The following RBBP6 variants were observed in gnomAD, a reference collection of about 807,000 sequenced individuals.
The protein encoded by RBBP6 is E3 ubiquitin-protein ligase RBBP6.
Under a neutral mutation model 167.7 loss-of-function variants are expected in RBBP6, and 25 were observed. The ratio of observed to expected loss-of-function variants is 0.15; its 90% confidence interval spans 0.11 to 0.21. The LOEUF is 0.21. RBBP6 is among the 10% of genes least tolerant of loss of function. The pLI, the probability that RBBP6 is intolerant of heterozygous loss-of-function variation, is 1.00. For synonymous variants in RBBP6, 789 were observed against 735.8 expected, an observed-to-expected ratio of 1.07 and a Z score of -1.17; for missense variants, 1,868 against 2,134.2, an observed-to-expected ratio of 0.88 and a Z score of 2.46.
At chr16:24,551,119 A>G (rs1487449075) in intron 3 of RBBP6, among the ~76,000 whole-genome samples, 1 of 151,832 alleles carries the variant, frequency 6.6e-6, no homozygotes, top group Non-Finnish European at 1.5e-5. Context: ...TCTTCTTGCT[A>G]ACTAAATATC....
intron 4 of RBBP6, 114 bp downstream of exon 4, chr16:24,553,671 G>A (rs1055225982): frequency 3.0e-5 from 21 of 708,798 alleles, no homozygotes; most frequent in Non-Finnish European, 4.2e-5. Context: ...CAAAAGCATT[G>A]TACATATTAT....
intron 1 of RBBP6, among the ~76,000 whole-genome samples, chr16:24,542,229 C>T (rs889665772): frequency 1.3e-5 from 2 of 152,164 alleles, no homozygotes; most frequent in Non-Finnish European, 2.9e-5. Flanking sequence ...CATCCCTTAA[C>T]TACAACAGTC....
chr16:24,552,027 CA>C (rs2141461989), intron 3 of RBBP6, among the ~76,000 whole-genome samples: 1 of 151,622 alleles, frequency 6.6e-6, no homozygotes, highest in Admixed American at 6.6e-5. Flanking sequence ...AAAAGCTGGA[CA>C]AAAATGATAA....
intron 4 of RBBP6, 30 bp downstream of exon 4, chr16:24,553,587 T>G (rs887162132): frequency 2.7e-6 from 4 of 1,504,886 alleles, no homozygotes; most frequent in Non-Finnish European, 3.6e-6. Flanking sequence ...CTTGAAAATA[T>G]AAGTTTTTTT....
intron 3 of RBBP6, among the ~76,000 whole-genome samples, chr16:24,550,363 G>GT (rs1467504689): frequency 2.1e-4 from 25 of 121,418 alleles, no homozygotes; most frequent in East Asian, 7.0e-4. Flanking sequence ...GTTTTTTTTT[G>GT]TTTTTTTGTT....
At chr16:24,554,841 A>G (rs1898878007) in intron 4 of RBBP6, 1 of 151,836 alleles carries the variant, frequency 6.6e-6, no homozygotes, top group Non-Finnish European at 1.5e-5. Flanking sequence ...GTTGTTAAAC[A>G]TCTGTAATCC....
chr16:24,545,468 G>A (rs761016941), intron 1 of RBBP6, among the ~76,000 whole-genome samples: 5 of 152,090 alleles, frequency 3.3e-5, no homozygotes, highest in Non-Finnish European at 7.4e-5. Context: ...ATAAATCAGT[G>A]TATGGTCTAT....
chr16:24,553,446 G>A (rs1367948238), intron 3 of RBBP6, 67 bp from the exon 4 acceptor site: 2 of 1,356,942 alleles, frequency 1.5e-6, no homozygotes, highest in African/African-American at 1.4e-5. Flanking sequence ...GTCAATAGGG[G>A]CTAAATGATC....
At chr16:24,570,645 G>T in intron 17 of RBBP6, 146 bp downstream of exon 17, 2 of 873,642 alleles carry the variant, frequency 2.3e-6, no homozygotes, top group Non-Finnish European at 3.3e-6. Flanking sequence ...TGTCTTTGAA[G>T]AAGGGAATTG....
At chr16:24,556,212 A>G (rs1898909420) in intron 6 of RBBP6, 96 bp from the exon 7 acceptor site, 2 of 991,200 alleles carry the variant, frequency 2.0e-6, no homozygotes, top group African/African-American at 1.6e-5. Context: ...AAGCACTACA[A>G]GTAATATAGT....
chr16:24,571,871 A>G lies in RBBP6; in HGVS notation c.4805A>G (p.Gln1602Arg). The G allele has an allele frequency of 6.2e-7, 1 of 1,614,136 alleles. No individual in the cohort carries two copies. The change falls in exon 18 of 18, where the codon CAA (glutamine) becomes CGA (arginine). Residue 1602 changes from glutamine to arginine, a missense_variant. Gln to Arg is a conservative substitution (Grantham distance 43). This residue lies in a region of RBBP6 where 591 missense variants were observed against 540.5 expected (regional missense o/e 1.09). Transcript: ENST00000319715. ...CCAGAGACACAGGTTGAAAAAGAGC[A>G]AATTACTGGGCAAATTGACAAGAGT... ...NPPETQVEKE[Q>R]ITGQIDKSTV...
intron 5 of RBBP6, 27 bp downstream of exon 5, chr16:24,555,730 T>C (rs1567274170): frequency 3.1e-6 from 5 of 1,604,986 alleles, no homozygotes; most frequent in Non-Finnish European, 4.3e-6. Context: ...TTTATACTAA[T>C]AGGAACTTTT....
intron 5 of RBBP6, 30 bp from the exon 6 acceptor site, chr16:24,555,791 T>G (rs1898899113): frequency 1.3e-6 from 2 of 1,584,846 alleles, no homozygotes; most frequent in Non-Finnish European, 1.7e-6. Flanking sequence ...AAAGTCCTCG[T>G]ATACATGTAA....
Position 24,540,565 on chromosome 16 carries a change from A to G in RBBP6, c.-62A>G, listed in dbSNP as rs939550753. 6.1e-6 allele frequency: 9 copies of G among 1,482,350 alleles called. No homozygotes were observed. The highest frequency in any genetic ancestry group is 1.4e-5 in the African/African-American group (1 of 70,790). The allele number at this position is 1,482,350 out of a possible 1,614,324, so 91.8% of individuals were successfully genotyped here. ...TACATATTTTGCTCTTAAAGTTTAT[A>G]AATATACGTATATTGAGAGTGTCCA... On this transcript the variant is annotated 5_prime_UTR_variant, in exon 1 of 18. It adds an upstream start codon to the 5' untranslated region. Transcript: ENST00000319715.
intron 1 of RBBP6, among the ~76,000 whole-genome samples, chr16:24,542,178 A>G (rs1325093275): frequency 6.6e-6 from 1 of 152,230 alleles, no homozygotes; most frequent in Admixed American, 6.5e-5. Flanking sequence ...GGTGGTGGTC[A>G]TGAACAGTTG....
chr16:24,572,117 A>G lies in RBBP6; in HGVS notation c.5051A>G (p.Gln1684Arg). ...AGCCTGGACACAGCAGCAGTTGTCC[A>G]GGTGGGCATAAGCAGGAATCAGAGC... Reference protein sequence around the residue: ...KESLDTAAVVQVGISRNQSHS... With the variant: ...KESLDTAAVVRVGISRNQSHS... Residue 1684 changes from glutamine to arginine, a missense_variant, in exon 18 of 18, where the codon CAG becomes CGG. This residue lies in a region of RBBP6 where 591 missense variants were observed against 540.5 expected (regional missense o/e 1.09). Transcript: ENST00000319715. 1 of 1,614,160 alleles carries G rather than the reference A, an allele frequency of 6.2e-7. No individual in the cohort carries two copies. Among genetic ancestry groups the G allele is most frequent in the Non-Finnish European group, 8.5e-7 (1 of 1,180,010 alleles).
At chr16:24,545,312 T>C (rs1164286449) in intron 1 of RBBP6, among the ~76,000 whole-genome samples, 1 of 152,132 alleles carries the variant, frequency 6.6e-6, no homozygotes, top group East Asian at 1.9e-4. Flanking sequence ...GACCTCGTGA[T>C]CCGCCCCCCT....
rs769599576 is a variant in RBBP6, at chr16:24,559,696, TG to T, written c.847+21del. 3 of 1,508,304 alleles carry T rather than the reference TG, an allele frequency of 2.0e-6. No individual in the cohort carries two copies. In the Admixed American group the frequency reaches 6.6e-5, roughly 33 times the overall value. The allele number at this position is 1,508,304 out of a possible 1,614,324, so 93.4% of individuals were successfully genotyped here. On this transcript the variant is annotated intron_variant, in intron 8 of 17. Transcript: ENST00000319715. Reference sequence around the variant, plus strand: ...GATGAATGTAAGAAGTGCTGAATCTTGGAAGATGTATATTTTAGAATATTTG... The same window carrying T: ...GATGAATGTAAGAAGTGCTGAATCTTGAAGATGTATATTTTAGAATATTTG...
Position 24,571,441 on chromosome 16 carries a change from A to C in RBBP6, c.4375A>C (p.Thr1459Pro). 6.2e-7 allele frequency: 1 copy of C among 1,613,062 alleles called. No homozygotes were observed. The highest frequency in any genetic ancestry group is 8.5e-7 in the Non-Finnish European group (1 of 1,179,806). The change falls in exon 18 of 18, where the codon ACT (threonine) becomes CCT (proline). Residue 1459 changes from threonine (T) to proline (P), a missense_variant. Coordinates refer to ENST00000319715, the MANE Select transcript of RBBP6 (RefSeq NM_006910.5). ...TAGAACGTCAGATAAACATGATTCCACTCGTGCTTCCTCAAATAAAGACTT... is the reference window on the plus strand; with the variant it reads ...TAGAACGTCAGATAAACATGATTCCCCTCGTGCTTCCTCAAATAAAGACTT... ...EARTSDKHDS[T>P]RASSNKDFTP...
Sources: gnomAD v4.1 joint callset for allele counts (sites outside exome capture counted in the v4.1 genomes callset) on GRCh38, gnomAD v4.1.1 for gene constraint, gnomAD v4.1.1 regional missense constraint, MANE v1.5 for transcripts, NCBI Gene and HGNC (gene_info 2026-07-23, HGNC 2026-07-21) for gene names.